SNCAIP: variants seen among roughly 807,000 people sequenced by gnomAD.
SNCAIP encodes the protein synuclein alpha interacting protein, also known as synphilin-1.
A neutral mutation model predicts 86.7 loss-of-function variants in SNCAIP; 43 were observed. The observed-to-expected ratio is 0.50, with a 90% CI of 0.39 to 0.64. The LOEUF is 0.64. SNCAIP is among the 30% of genes least tolerant of loss of function. SNCAIP has a pLI of 0.00. For missense variants in SNCAIP, 981 were observed against 1,103.1 expected, an observed-to-expected ratio of 0.89 and a Z score of 1.57; for synonymous variants, 417 against 427.2, an observed-to-expected ratio of 0.98 and a Z score of 0.29.
chr5:122,335,179 G>A (rs1292167957), intron 1 of SNCAIP, among the ~76,000 whole-genome samples: 1 of 151,944 alleles, frequency 6.6e-6, no homozygotes, highest in African/African-American at 2.4e-5. Flanking sequence ...TTTATCTTTG[G>A]TGGAAATTGT....
chr5:122,381,776 T>C (rs1408904329), intron 1 of SNCAIP, among the ~76,000 whole-genome samples: 4 of 152,082 alleles, frequency 2.6e-5, no homozygotes, highest in Non-Finnish European at 5.9e-5. Context: ...GTCTGTAAAG[T>C]ATTTTATTTC....
chr5:122,312,702 C>CG (rs1750861975), intron 1 of SNCAIP: 1 of 152,200 alleles, frequency 6.6e-6, no homozygotes, highest in African/African-American at 2.4e-5. Flanking sequence ...GTAATAGCGA[C>CG]AGTACTAACA....
intron 2 of SNCAIP, chr5:122,401,169 C>A: frequency 6.5e-7 from 1 of 1,528,116 alleles, no homozygotes; most frequent in Non-Finnish European, 8.8e-7. Flanking sequence ...GGCCATCTGT[C>A]CTGTGAACTG....
At chr5:122,322,653 C>G (rs779906119) in intron 1 of SNCAIP, among the ~76,000 whole-genome samples, 2 of 152,114 alleles carry the variant, frequency 1.3e-5, no homozygotes, top group Non-Finnish European at 2.9e-5. Flanking sequence ...TGAATGAAGT[C>G]TAGAAAATGT....
intron 7 of SNCAIP, among the ~76,000 whole-genome samples, chr5:122,442,740 C>T (rs1289126397): frequency 1.3e-5 from 2 of 152,162 alleles, no homozygotes; most frequent in African/African-American, 2.4e-5. Flanking sequence ...GATATCACTA[C>T]GTGAGATTTT....
intron 2 of SNCAIP, among the ~76,000 whole-genome samples, chr5:122,394,437 G>A (rs752761734): frequency 2.0e-5 from 3 of 152,154 alleles, no homozygotes; most frequent in Non-Finnish European, 4.4e-5. Flanking sequence ...AGAAAATAAC[G>A]CACATCCTTT....
At position 122,348,678 on chromosome 5, in the gene SNCAIP, T is replaced by G. The variant is rs138537955; in HGVS notation, c.-47+36394T>G. Among the ~76,000 whole-genome samples, 299 of 152,074 alleles carry G rather than the reference T, an allele frequency of 2.0e-3. 1 individual carries two copies. The highest frequency in any genetic ancestry group is 6.8e-3 in the Middle Eastern group (2 of 294). On this transcript the variant is annotated intron_variant, in intron 1 of 10. Transcript: ENST00000261368. ...TTGCCTGAGTCACATATAAACCCAT[T>G]GACAAATGAGAAGCCAGCAGAATTG... is the stretch of plus-strand genomic sequence containing the variant.
chr5:122,456,585 C>T lies in SNCAIP; in HGVS notation c.2754+4984C>T, dbSNP rs78944670. Among the ~76,000 whole-genome samples the T allele has an allele frequency of 1.8e-3, 278 of 152,264 alleles. 5 individuals carry two copies. In the East Asian group the frequency reaches 0.037, roughly 20 times the overall value. On this transcript the variant is annotated intron_variant, in intron 10 of 10. Transcript: ENST00000261368. ...CTCCCAACCAGAGCATATCCTCAGCCCCACTAAAAAGCATTTCCAGAATCC... is the reference window on the plus strand; with the variant it reads ...CTCCCAACCAGAGCATATCCTCAGCTCCACTAAAAAGCATTTCCAGAATCC...
At chr5:122,462,331 G>A (rs963196469) in intron 10 of SNCAIP, among the ~76,000 whole-genome samples, 5 of 152,034 alleles carry the variant, frequency 3.3e-5, no homozygotes, top group African/African-American at 1.2e-4. Context: ...CATTTTGTCT[G>A]TTGTATCCTC....
intron 1 of SNCAIP, among the ~76,000 whole-genome samples, chr5:122,314,278 C>T (rs2152640776): frequency 6.6e-6 from 1 of 152,178 alleles, no homozygotes; most frequent in East Asian, 1.9e-4. Context: ...TTGATATTAG[C>T]AGAAAAAGCC....
At chr5:122,315,080 G>A (rs1490653901) in intron 1 of SNCAIP, among the ~76,000 whole-genome samples, 1 of 152,186 alleles carries the variant, frequency 6.6e-6, no homozygotes, top group Non-Finnish European at 1.5e-5. Flanking sequence ...TTCATTGCTG[G>A]ATAACAAATC....
intron 1 of SNCAIP, among the ~76,000 whole-genome samples, chr5:122,384,994 C>G (rs985871198): frequency 1.6e-4 from 24 of 152,174 alleles, no homozygotes; most frequent in African/African-American, 5.8e-4. Context: ...CAGGCCTGTT[C>G]CCATACTGAA....
intron 10 of SNCAIP, among the ~76,000 whole-genome samples, chr5:122,455,003 GTTTAGATTCACTGGC>G (rs1376419470): frequency 1.3e-5 from 2 of 152,190 alleles, no homozygotes; most frequent in African/African-American, 4.8e-5. Flanking sequence ...TAAAGGCTCA[GTTTAGATTCACTGGC>G]TTTACTTATT....
intron 1 of SNCAIP, among the ~76,000 whole-genome samples, chr5:122,356,463 AT>A (rs1221941404): frequency 6.6e-6 from 1 of 152,052 alleles, no homozygotes; most frequent in Admixed American, 6.5e-5. Context: ...ATAAATTAAA[AT>A]TTTTTTTGAT....
chr5:122,382,041 A>T (rs1341550444), intron 1 of SNCAIP, among the ~76,000 whole-genome samples: 2 of 151,488 alleles, frequency 1.3e-5, no homozygotes, highest in Admixed American at 6.6e-5. Flanking sequence ...CTTCTCGAGG[A>T]TTATCTTTGT....
intron 3 of SNCAIP, among the ~76,000 whole-genome samples, chr5:122,415,172 G>C (rs527880478): frequency 1.3e-5 from 2 of 152,132 alleles, no homozygotes; most frequent in Non-Finnish European, 2.9e-5. Flanking sequence ...GCCACTTTCC[G>C]CTGTTCCTCC....
chr5:122,346,715 T>C (rs866163282), intron 1 of SNCAIP, among the ~76,000 whole-genome samples: 6 of 151,754 alleles, frequency 4.0e-5, no homozygotes, highest in Non-Finnish European at 7.4e-5. Context: ...CTTCTAGTCA[T>C]TGAATAATAG....
At chr5:122,347,211 T>C (rs892700960) in intron 1 of SNCAIP, among the ~76,000 whole-genome samples, 23 of 152,156 alleles carry the variant, frequency 1.5e-4, no homozygotes, top group African/African-American at 4.3e-4. Flanking sequence ...TTTGAAAGGA[T>C]AGACTGTGAA....
chr5:122,398,122 G>C (rs1223390367), intron 2 of SNCAIP, among the ~76,000 whole-genome samples: 1 of 152,112 alleles, frequency 6.6e-6, no homozygotes, highest in Non-Finnish European at 1.5e-5. Flanking sequence ...AAAAGAGACG[G>C]CTGATGAATG....
Sources: allele counts gnomAD v4.1 joint callset (sites outside exome capture counted in the v4.1 genomes callset), GRCh38; gene constraint gnomAD v4.1.1; transcripts MANE v1.5; gene names NCBI Gene and HGNC (gene_info 2026-07-23, HGNC 2026-07-21).